MYH11: variants seen among roughly 807,000 people sequenced by gnomAD.
MYH11 encodes the protein myosin heavy chain 11.
MYH11 carries 80 observed loss-of-function variants against 246.6 expected under a neutral mutation model. That is an observed-to-expected ratio of 0.32 (90% CI 0.27 to 0.39). The LOEUF (loss-of-function observed/expected upper bound fraction) is 0.39. MYH11 is among the 10% of genes least tolerant of loss of function. The pLI is 1.00. For synonymous variants in MYH11, 1,071 were observed against 1,015.5 expected, an observed-to-expected ratio of 1.05 and a Z score of -1.04; for missense variants, 2,158 against 2,546.8, an observed-to-expected ratio of 0.85 and a Z score of 3.29.
intron 3 of MYH11, among the ~76,000 whole-genome samples, chr16:15,820,659 T>C (rs2043386879): frequency 6.6e-6 from 1 of 152,120 alleles, no homozygotes; most frequent in Non-Finnish European, 1.5e-5. Flanking sequence ...CCTTTTTAGC[T>C]CGGGCTGCAG....
Position 15,720,954 on chromosome 16 carries a change from T to C in MYH11, c.4676A>G (p.Glu1559Gly). The change falls in exon 33 of 41, where the codon GAG (glutamate) becomes GGG (glycine). Residue 1559 changes from glutamate to glycine, a missense_variant. Coordinates refer to ENST00000300036, the MANE Select transcript of MYH11 (RefSeq NM_002474.3). ...EELEDELQAT[E>G]DAKLRLEVNM... ...GACTTCCAGCCGCAGTTTGGCGTCC[T>C]CCGTGGCTTGCAGCTCGTCCTCCAG... is the stretch of plus-strand genomic sequence containing the variant. 6.2e-7 allele frequency: 1 copy of C among 1,614,072 alleles called. No homozygotes were observed. The highest frequency in any genetic ancestry group is 8.5e-7 in the Non-Finnish European group (1 of 1,180,022).
intron 38 of MYH11, among the ~76,000 whole-genome samples, chr16:15,716,516 T>A (rs930476985): frequency 6.6e-6 from 1 of 151,026 alleles, no homozygotes. Flanking sequence ...TTTTTTGGGG[T>A]TTTTTTTGTG....
At chr16:15,814,123 A>G (rs1306696862) in intron 3 of MYH11, among the ~76,000 whole-genome samples, 1 of 146,900 alleles carries the variant, frequency 6.8e-6, no homozygotes, top group Non-Finnish European at 1.5e-5. Context: ...GCGCGACAAG[A>G]GGGAAACTCC....
intron 2 of MYH11, among the ~76,000 whole-genome samples, chr16:15,824,867 AAC>A (rs1351491139): frequency 7.2e-5 from 11 of 152,204 alleles, no homozygotes; most frequent in Non-Finnish European, 2.9e-5. Context: ...ACTACTCAGT[AAC>A]AGTGATTTCC....
chr16:15,705,984 C>CAAAAAAAAAAAAAAAAAAAAAAA (rs57451847), intron 40 of MYH11, among the ~76,000 whole-genome samples: 3 of 56,768 alleles, frequency 5.3e-5, no homozygotes, highest in Admixed American at 2.3e-4. Context: ...GACTCCGTCT[C>CAAAAAAAAAAAAAAAAAAAAAAA]AAAAAAAAAA....
chr16:15,781,354 G>A (rs1044959614), intron 6 of MYH11, among the ~76,000 whole-genome samples: 6 of 152,318 alleles, frequency 3.9e-5, no homozygotes, highest in Middle Eastern at 6.8e-3. Context: ...GAGACATTAT[G>A]TAATTGTTTG....
chr16:15,716,306 T>C (rs1431341380), intron 38 of MYH11, among the ~76,000 whole-genome samples: 2 of 152,118 alleles, frequency 1.3e-5, no homozygotes, highest in Non-Finnish European at 2.9e-5. Context: ...TTTGTGAATA[T>C]ATGAATAGCC....
intron 10 of MYH11, 36 bp downstream of exon 10, chr16:15,763,760 C>CCCCCAAAAAAA: frequency 8.4e-7 from 1 of 1,192,088 alleles, no homozygotes. Context: ...CCCCCAACCC[C>CCCCCAAAAAAA]AAAGTCATTG....
chr16:15,739,749 T>G lies in MYH11; in HGVS notation c.2997+302A>C, dbSNP rs73521464. Among the ~76,000 whole-genome samples, 10,272 of 141,344 alleles carry G rather than the reference T, an allele frequency of 0.073. 828 individuals carry two copies. The highest frequency in any genetic ancestry group is 0.21 in the African/African-American group (7,992 of 37,548). The allele number at this position is 141,344 out of a possible 152,430, so 92.7% of individuals were successfully genotyped here. A position where few individuals can be genotyped will look rare whatever the true frequency, so the allele number is the denominator to read the frequency against. ...TTTAATGCAGAAACTTGATTCCACT[T>G]TTTTTTTTTTTTGAAACAGAGTCAC... On this transcript the variant is annotated intron_variant, in intron 23 of 40. Coordinates refer to ENST00000300036, the MANE Select transcript of MYH11 (RefSeq NM_002474.3).
rs183292376 is a variant in MYH11 at position 15,759,660 on chromosome 16, G to A, written c.1317C>T (p.Arg439=). ...YERLFRWILT[R]VNKALDKTHR... is the part of the protein sequence containing the mutation. ...GGGTCTTGTCCAGGGCTTTGTTCAC[G>A]CGGGTGAGTATCCAGCGGAAAAGGC... The change falls in exon 12 of 41, where the codon CGC becomes CGT. Residue 439 remains arginine, a synonymous_variant. Transcript: ENST00000300036. The A allele has an allele frequency of 8.1e-5, 131 of 1,614,192 alleles. No homozygotes were observed. The highest frequency in any genetic ancestry group is 3.1e-4 in the African/African-American group (23 of 75,042).
In MYH11 at chr16:15,724,733, C is replaced by T. The variant is rs1157274278; in HGVS notation, c.4030G>A (p.Glu1344Lys). 5 of 1,614,198 alleles carry T rather than the reference C, an allele frequency of 3.1e-6. No individual in the cohort carries two copies. The highest frequency in any genetic ancestry group is 1.7e-6 in the Non-Finnish European group (2 of 1,180,026). ...AGCTGGTCTTGCAGGCTGTTCCGCT[C>T]CTCCTCCAGCTGGCGCAGCTTCGTA... is the stretch of plus-strand genomic sequence containing the variant. ...VSTKLRQLEE[E>K]RNSLQDQLDE... Residue 1344 changes from glutamate (E) to lysine (K), a missense_variant, in exon 30 of 41, where the codon GAG becomes AAG. Coordinates refer to ENST00000300036, the MANE Select transcript of MYH11 (RefSeq NM_002474.3).
rs192078829 is a variant in MYH11 at position 15,814,338 on chromosome 16, A to C, written c.502+8917T>G. Among the ~76,000 whole-genome samples the C allele has an allele frequency of 9.5e-4, 144 of 152,088 alleles. 1 individual carries two copies. The highest frequency in any genetic ancestry group is 3.4e-3 in the African/African-American group (143 of 41,494). ...GAGGCCGAGTTGGGTGGATCACCTA[A>C]GGTCGGGAGTTCAAGACCAGCCTGA... On this transcript the variant is annotated intron_variant, in intron 3 of 40. Transcript: ENST00000300036.
intron 9 of MYH11, among the ~76,000 whole-genome samples, chr16:15,764,894 T>G (rs1596801383): frequency 6.6e-6 from 1 of 152,260 alleles, no homozygotes; most frequent in East Asian, 1.9e-4. Flanking sequence ...AAGATATACA[T>G]TTGTTTCCAC....
intron 25 of MYH11, 82 bp from the exon 26 acceptor site, chr16:15,735,660 A>T: frequency 7.3e-7 from 1 of 1,369,286 alleles, no homozygotes; most frequent in Non-Finnish European, 1.0e-6. Context: ...CTTTTCTGGG[A>T]CCAGACAGTT....
At chr16:15,818,920 C>G (rs1015580526) in intron 3 of MYH11, among the ~76,000 whole-genome samples, 2 of 152,158 alleles carry the variant, frequency 1.3e-5, no homozygotes, top group African/African-American at 4.8e-5. Flanking sequence ...TACTCTGTTG[C>G]CAAGGCTGGA....
At chr16:15,760,279 CATGG>C (rs1385760300) in intron 11 of MYH11, among the ~76,000 whole-genome samples, 2 of 151,178 alleles carry the variant, frequency 1.3e-5, no homozygotes, top group East Asian at 1.9e-4. Context: ...ATGGCTGGGT[CATGG>C]ATGGATGGAC....
intron 10 of MYH11, among the ~76,000 whole-genome samples, 172 bp from the exon 11 acceptor site, chr16:15,760,830 G>T (rs2041851576): frequency 6.6e-6 from 1 of 152,182 alleles, no homozygotes; most frequent in African/African-American, 2.4e-5. Context: ...GTCATTAGTG[G>T]TCACACTCCC....
intron 40 of MYH11, among the ~76,000 whole-genome samples, chr16:15,708,505 C>T (rs1432009351): frequency 6.6e-6 from 1 of 152,232 alleles, no homozygotes; most frequent in Non-Finnish European, 1.5e-5. Context: ...CCAAGCTACA[C>T]ACACAGCCTC....
intron 3 of MYH11, among the ~76,000 whole-genome samples, chr16:15,803,842 G>A (rs561947243): frequency 4.6e-5 from 7 of 152,292 alleles, no homozygotes; most frequent in Admixed American, 2.6e-4. Flanking sequence ...AGCTGCCAGC[G>A]CGGCTCCGAG....
Sources: gnomAD v4.1 joint callset for allele counts (sites outside exome capture counted in the v4.1 genomes callset) on GRCh38, gnomAD v4.1.1 for gene constraint, MANE v1.5 for transcripts, NCBI Gene and HGNC (gene_info 2026-07-23, HGNC 2026-07-21) for gene names.